BSND: variants seen among roughly 807,000 people sequenced by gnomAD.
The protein encoded by BSND is barttin CLCNK type accessory subunit beta.
A neutral mutation model predicts 18.8 loss-of-function variants in BSND; 13 were observed. The observed-to-expected ratio is 0.69, with a 90% CI of 0.45 to 1.10. The LOEUF (loss-of-function observed/expected upper bound fraction) is 1.10, where lower values mean the gene tolerates loss of function less well. Among genes scored for constraint, BSND ranks in the 50% least tolerant of loss-of-function variants. BSND has a pLI of 0.00. For missense variants in BSND, 379 were observed against 416.7 expected (o/e 0.91, Z 0.79); for synonymous variants, 170 against 161.8 (o/e 1.05, Z -0.39).
chr1:55,001,960 T>C (rs960315808), intron 1 of BSND, among the ~76,000 whole-genome samples: 14 of 152,090 alleles, frequency 9.2e-5, no homozygotes, highest in Admixed American at 9.2e-4. Flanking sequence ...TGGGATGCCA[T>C]GGTAAGGAAT....
Position 55,008,662 on chromosome 1 carries a change from T to G in BSND, c.*34T>G, listed in dbSNP as rs767537668. On this transcript the variant is annotated 3_prime_UTR_variant, in exon 4 of 4. Coordinates refer to ENST00000651561, the MANE Select transcript of BSND (RefSeq NM_057176.3). ...TGCTCCGTAGCTTCTAGTCTGGAAC[T>G]GCTGCTGACCCCTGTGTGACATCAC... 5 of 1,613,734 alleles carry G rather than the reference T, an allele frequency of 3.1e-6. No individual in the cohort carries two copies. The highest frequency in any genetic ancestry group is 2.2e-5 in the East Asian group (1 of 44,892).
chr1:55,000,461 G>T (rs77674915), intron 1 of BSND, among the ~76,000 whole-genome samples: 3 of 151,392 alleles, frequency 2.0e-5, no homozygotes, highest in Non-Finnish European at 2.9e-5. Flanking sequence ...TAGGAGGGGG[G>T]GGTGGGAAAG....
intron 3 of BSND, 87 bp downstream of exon 3, chr1:55,007,359 G>T: frequency 1.5e-6 from 2 of 1,356,432 alleles, no homozygotes; most frequent in East Asian, 2.6e-5. Context: ...GGGGTGGGTG[G>T]GGACACTGGG....
chr1:55,005,841 G>A (rs551041017), intron 2 of BSND, among the ~76,000 whole-genome samples: 2 of 151,686 alleles, frequency 1.3e-5, no homozygotes, highest in African/African-American at 2.4e-5. Context: ...CTCATGGGGA[G>A]TCAGTGATGG....
rs1468118424 is a variant in BSND at position 55,015,998 on chromosome 1, T to C, written c.*7370T>C. 1.3e-5 allele frequency among the ~76,000 whole-genome samples: 2 copies of C among 152,132 alleles called. No homozygotes were observed. Among genetic ancestry groups the C allele is most frequent in the South Asian group, 2.1e-4 (1 of 4,826 alleles). The stretch of plus-strand genomic sequence containing the variant: ...GACCTGGGGTAGGTGTGAACTGAGC[T>C]TAGAATAGGAGCGGAGGGTGGCTGG... On this transcript the variant is annotated 3_prime_UTR_variant, in exon 4 of 4. Transcript: ENST00000651561.
chr1:55,004,390 T>C (rs1644379187), intron 1 of BSND, among the ~76,000 whole-genome samples: 5 of 152,158 alleles, frequency 3.3e-5, no homozygotes. Flanking sequence ...ACAGTGAGAA[T>C]CTGGCAGAGG....
intron 1 of BSND, among the ~76,000 whole-genome samples, 191 bp downstream of exon 1, chr1:54,999,554 T>G (rs1644351220): frequency 6.6e-6 from 1 of 151,962 alleles, no homozygotes; most frequent in Non-Finnish European, 1.5e-5. Context: ...CATCCATCCA[T>G]CCATCCCTTA....
rs1644405238 is a variant in BSND at position 55,008,691 on chromosome 1, G to T, written c.*63G>T. On this transcript the variant is annotated 3_prime_UTR_variant, in exon 4 of 4. Transcript: ENST00000651561. Reference sequence around the variant, plus strand: ...GCTGACCCCTGTGTGACATCACAGGGCCTCAGTTTCCCTATCTGCAAAATG... The same window carrying T: ...GCTGACCCCTGTGTGACATCACAGGTCCTCAGTTTCCCTATCTGCAAAATG... 6.2e-7 allele frequency: 1 copy of T among 1,612,260 alleles called. No individual in the cohort carries two copies. Among genetic ancestry groups the T allele is most frequent in the Non-Finnish European group, 8.5e-7 (1 of 1,179,324 alleles).
rs576205787 is a variant in BSND at position 55,013,939 on chromosome 1, C to A, written c.*5311C>A. ...TCCCCTTCTCTGTCATCCCTCAAAC[C>A]CTACCTGTTCCCTGGAGCCTGAATT... On this transcript the variant is annotated 3_prime_UTR_variant, in exon 4 of 4. Coordinates refer to ENST00000651561, the MANE Select transcript of BSND (RefSeq NM_057176.3). Among the ~76,000 whole-genome samples, 12 of 152,158 alleles carry A rather than the reference C, an allele frequency of 7.9e-5. No homozygotes were observed. The highest frequency in any genetic ancestry group is 2.9e-4 in the African/African-American group (12 of 41,554).
In BSND at chr1:55,008,724, A is replaced by G; in HGVS notation, c.*96A>G. ...TTCCCTATCTGCAAAATGGGATGAT[A>G]TGGAGGTTCAATGAGATGGTGGCAT... On this transcript the variant is annotated 3_prime_UTR_variant, in exon 4 of 4. Transcript: ENST00000651561. 6.4e-7 allele frequency: 1 copy of G among 1,562,094 alleles called. No homozygotes were observed. The highest frequency in any genetic ancestry group is 8.8e-7 in the Non-Finnish European group (1 of 1,136,828).
At position 55,008,734 on chromosome 1, in the gene BSND, A is replaced by G. The variant is rs1277888056; in HGVS notation, c.*106A>G. The G allele has an allele frequency of 1.3e-6, 2 of 1,503,136 alleles. No homozygotes were observed. The highest frequency in any genetic ancestry group is 2.8e-5 in the African/African-American group (2 of 72,498). 93.1% of individuals were successfully genotyped at this position (1,503,136 alleles called of 1,614,324 possible). ...GCAAAATGGGATGATATGGAGGTTC[A>G]ATGAGATGGTGGCATTTTGAGAATG... is the stretch of plus-strand genomic sequence containing the variant. On this transcript the variant is annotated 3_prime_UTR_variant, in exon 4 of 4. Transcript: ENST00000651561.
intron 1 of BSND, 104 bp from the exon 2 acceptor site, chr1:55,004,918 G>C (rs1280159755): frequency 1.9e-6 from 2 of 1,067,160 alleles, no homozygotes; most frequent in Non-Finnish European, 1.4e-6. Context: ...CCGTGGTGCA[G>C]CCTGTCTCCC....
Position 55,015,392 on chromosome 1 carries a change from G to A in BSND, c.*6764G>A, listed in dbSNP as rs1242270816. Among the ~76,000 whole-genome samples, 7 of 152,204 alleles carry A rather than the reference G, an allele frequency of 4.6e-5. No individual in the cohort carries two copies. Among genetic ancestry groups the A allele is most frequent in the Non-Finnish European group, 1.0e-4 (7 of 68,042 alleles). ...TTCCCGCCAAGACACCAGGGCCCTG[G>A]CCAAGGCAGTGCTCAGTTCACAGAT... On this transcript the variant is annotated 3_prime_UTR_variant, in exon 4 of 4. Transcript: ENST00000651561.
rs749985123 is a variant in BSND at position 55,008,236 on chromosome 1, C to G, written c.571C>G (p.Pro191Ala). 2 of 1,614,178 alleles carry G rather than the reference C, an allele frequency of 1.2e-6. No homozygotes were observed. Among genetic ancestry groups the G allele is most frequent in the Non-Finnish European group, 8.5e-7 (1 of 1,180,026 alleles). ...CAGCCCCCTGGCCTGTCCCCAGGGC[C>G]CTGCCCCCTTGGCTTCCTTCCAAGA... is the stretch of plus-strand genomic sequence containing the variant. ...WPGPLACPQG[P>A]APLASFQDDL... Residue 191 changes from proline (P) to alanine (A), a missense_variant, in exon 4 of 4, where the codon CCT (proline) becomes GCT (alanine). Pro to Ala is a conservative substitution (Grantham distance 27). Transcript: ENST00000651561.
chr1:55,006,865 C>T (rs569204366), intron 2 of BSND, 132 bp from the exon 3 acceptor site: 50 of 1,317,704 alleles, frequency 3.8e-5, no homozygotes, highest in South Asian at 1.0e-4. Context: ...CTGAAACGGG[C>T]GCAGTAACAT....
chr1:55,007,665 G>A (rs973366559), intron 3 of BSND, among the ~76,000 whole-genome samples: 2 of 152,154 alleles, frequency 1.3e-5, no homozygotes, highest in Non-Finnish European at 2.9e-5. Context: ...CAGAGGACCC[G>A]AGTTCAAATT....
intron 2 of BSND, among the ~76,000 whole-genome samples, chr1:55,005,822 GCCCCAAA>G (rs905273257): frequency 2.0e-5 from 3 of 152,208 alleles, no homozygotes; most frequent in African/African-American, 7.2e-5. Flanking sequence ...GTAGTCACTA[GCCCCAAA>G]CCTCATGGGG....
intron 1 of BSND, 137 bp downstream of exon 1, chr1:54,999,500 G>A (rs1462652886): frequency 1.1e-5 from 10 of 876,954 alleles, no homozygotes; most frequent in South Asian, 1.8e-5. Context: ...TCTTCTCTCT[G>A]CTCTCCTGAG....
In BSND at chr1:54,999,089, T is replaced by C. The variant is rs1644347387; in HGVS notation, c.-98T>C. 1 of 1,450,130 alleles carries C rather than the reference T, an allele frequency of 6.9e-7. No individual in the cohort carries two copies. Among genetic ancestry groups the C allele is most frequent in the Non-Finnish European group, 9.6e-7 (1 of 1,046,650 alleles). The allele number at this position is 1,450,130 out of a possible 1,614,324, so 89.8% of individuals were successfully genotyped here. A position where few individuals can be genotyped will look rare whatever the true frequency, so the allele number is the denominator to read the frequency against. ...AAGCCTTGAGTTGCAGCGATTTCAG[T>C]GTCTTCTCTCCCTGTGTAAGCCTGT... On this transcript the variant is annotated 5_prime_UTR_variant, in exon 1 of 4. Coordinates refer to ENST00000651561, the MANE Select transcript of BSND (RefSeq NM_057176.3).
Sources: gnomAD v4.1 joint callset for allele counts (sites outside exome capture counted in the v4.1 genomes callset) on GRCh38, gnomAD v4.1.1 for gene constraint, MANE v1.5 for transcripts, NCBI Gene and HGNC (gene_info 2026-07-23, HGNC 2026-07-21) for gene names.